The following GALNT13 variants were observed in gnomAD, a reference collection of about 807,000 sequenced individuals.
The protein encoded by GALNT13 is polypeptide N-acetylgalactosaminyltransferase 13.
Under a neutral mutation model 64.2 loss-of-function variants are expected in GALNT13, and 28 were observed. The observed-to-expected ratio is 0.44, with a 90% CI of 0.32 to 0.60. GALNT13 has a LOEUF of 0.60. GALNT13 is among the 20% of genes least tolerant of loss of function. The pLI, the probability that GALNT13 is intolerant of heterozygous loss-of-function variation, is 0.05. For missense variants in GALNT13, 577 were observed against 669.8 expected (o/e 0.86, Z 1.53); for synonymous variants, 214 against 224.6 (o/e 0.95, Z 0.42).
chr2:153,180,903 C>T, the GALNT13 span, among the ~76,000 whole-genome samples: 9 of 150,576 alleles, frequency 6.0e-5, no homozygotes, highest in South Asian at 1.5e-3. Flanking sequence ...TTTTAATTGC[C>T]GATTTTTTCT....
chr2:154,124,833 A>C (rs540700866), intron 3 of GALNT13, among the ~76,000 whole-genome samples: 1 of 152,122 alleles, frequency 6.6e-6, no homozygotes, highest in South Asian at 2.1e-4. Context: ...TGTATACCAT[A>C]GTTTTGATTA....
chr2:153,586,358 C>A, the GALNT13 span, among the ~76,000 whole-genome samples: 17 of 152,012 alleles, frequency 1.1e-4, no homozygotes, highest in Non-Finnish European at 1.8e-4. Flanking sequence ...TGGAGATATT[C>A]CACACAAATG....
At chr2:153,966,781 G>A (rs1317228664) in intron 3 of GALNT13, among the ~76,000 whole-genome samples, 2 of 151,824 alleles carry the variant, frequency 1.3e-5, no homozygotes, top group Non-Finnish European at 2.9e-5. Flanking sequence ...CTGGTTATTC[G>A]TGTTTTTTCC....
At chr2:154,416,366 G>A (rs536226418) in intron 11 of GALNT13, among the ~76,000 whole-genome samples, 1 of 152,202 alleles carries the variant, frequency 6.6e-6, no homozygotes, top group South Asian at 2.1e-4. Context: ...AGATCTCTGG[G>A]TTTCTTTCAT....
chr2:154,324,203 T>C (rs1694764351), intron 9 of GALNT13, among the ~76,000 whole-genome samples: 1 of 152,064 alleles, frequency 6.6e-6, no homozygotes. Context: ...TTTTGGTTTA[T>C]GCTCTTGAAT....
At chr2:153,746,022 G>A in the GALNT13 span, among the ~76,000 whole-genome samples, 2 of 152,112 alleles carry the variant, frequency 1.3e-5, no homozygotes, top group African/African-American at 2.4e-5. Context: ...TAGAAAGTAC[G>A]TTTTTAAAGA....
chr2:153,841,348 T>G, the GALNT13 span, among the ~76,000 whole-genome samples: 1 of 152,184 alleles, frequency 6.6e-6, no homozygotes, highest in Non-Finnish European at 1.5e-5. Context: ...CAGCATAATT[T>G]GAATTTATTT....
At chr2:154,342,068 T>C (rs2105227059) in intron 9 of GALNT13, among the ~76,000 whole-genome samples, 1 of 152,130 alleles carries the variant, frequency 6.6e-6, no homozygotes, top group Admixed American at 6.6e-5. Flanking sequence ...AGTCTAGTTT[T>C]GGATGTGTTC....
chr2:153,378,401 C>T, the GALNT13 span, among the ~76,000 whole-genome samples: 1 of 151,578 alleles, frequency 6.6e-6, no homozygotes, highest in East Asian at 1.9e-4. Context: ...TTGGAACATA[C>T]AGTTTGTGAT....
intron 7 of GALNT13, among the ~76,000 whole-genome samples, chr2:154,256,080 T>G (rs868011681): frequency 6.6e-6 from 1 of 151,310 alleles, no homozygotes; most frequent in African/African-American, 2.4e-5. Context: ...AAAACTCAGT[T>G]AAAAATAAGG....
chr2:153,204,722 A>G, the GALNT13 span, among the ~76,000 whole-genome samples: 250 of 152,280 alleles, frequency 1.6e-3, no homozygotes, highest in African/African-American at 5.7e-3. Context: ...TGAGTTATTT[A>G]TCAAGAGGAT....
At chr2:154,041,912 G>C (rs998622741) in intron 3 of GALNT13, among the ~76,000 whole-genome samples, 1 of 139,582 alleles carries the variant, frequency 7.2e-6, no homozygotes, top group Admixed American at 7.2e-5. Flanking sequence ...AAATAAGATT[G>C]AACCGAGATA....
intron 3 of GALNT13, among the ~76,000 whole-genome samples, chr2:154,064,979 C>A (rs1025203021): frequency 6.6e-6 from 1 of 152,030 alleles, no homozygotes; most frequent in African/African-American, 2.4e-5. Flanking sequence ...TCTGGATGTG[C>A]CTTGAGCCAC....
chr2:153,925,417 T>C (rs941571034), intron 2 of GALNT13, among the ~76,000 whole-genome samples: 6 of 152,174 alleles, frequency 3.9e-5, no homozygotes, highest in African/African-American at 1.4e-4. Context: ...TCTATGTGTC[T>C]GTTCTTGTAC....
the GALNT13 span, among the ~76,000 whole-genome samples, chr2:153,768,793 G>T: frequency 6.6e-6 from 1 of 152,134 alleles, no homozygotes; most frequent in African/African-American, 2.4e-5. Flanking sequence ...GTGAACCCAG[G>T]AGGCGGAGCT....
intron 9 of GALNT13, among the ~76,000 whole-genome samples, chr2:154,375,213 C>T (rs1181552602): frequency 7.5e-5 from 7 of 93,686 alleles, no homozygotes; most frequent in African/African-American, 2.2e-4. Flanking sequence ...TGATCTCGAT[C>T]TACTGACCTT....
At chr2:154,009,439 T>G (rs1464722357) in intron 3 of GALNT13, among the ~76,000 whole-genome samples, 1 of 152,094 alleles carries the variant, frequency 6.6e-6, no homozygotes, top group South Asian at 2.1e-4. Context: ...TCTGTGAAGA[T>G]TGTCCACTGG....
chr2:153,580,154 C>G, the GALNT13 span, among the ~76,000 whole-genome samples: 6 of 152,068 alleles, frequency 3.9e-5, no homozygotes, highest in Admixed American at 1.3e-4. Flanking sequence ...GTCATAGTTA[C>G]GCAAAACATG....
the GALNT13 span, among the ~76,000 whole-genome samples, chr2:153,268,335 C>G: frequency 1.3e-4 from 20 of 152,170 alleles, no homozygotes; most frequent in Non-Finnish European, 2.5e-4. Context: ...GTCATTAAAC[C>G]TTAAAATTCC....
Sources: allele counts gnomAD v4.1 joint callset (sites outside exome capture counted in the v4.1 genomes callset), GRCh38; gene constraint gnomAD v4.1.1; transcripts MANE v1.5; gene names NCBI Gene and HGNC (gene_info 2026-07-23, HGNC 2026-07-21).